Variants in PNPT1 observed in about 807,000 individuals in gnomAD.
PNPT1 encodes polyribonucleotide nucleotidyltransferase 1, mitochondrial.
PNPT1 carries 53 observed loss-of-function variants against 119.5 expected under a neutral mutation model. The observed-to-expected ratio is 0.44, with a 90% CI of 0.36 to 0.56. The LOEUF (loss-of-function observed/expected upper bound fraction) is 0.56, where lower values mean the gene tolerates loss of function less well. Ranked by LOEUF, PNPT1 falls within the 20% of genes least tolerant of loss-of-function variation. The pLI, the probability that PNPT1 is intolerant of heterozygous loss-of-function variation, is 0.00. For missense variants in PNPT1, 948 were observed against 938.5 expected (o/e 1.01, Z -0.13); for synonymous variants, 357 against 322.1 (o/e 1.11, Z -1.16).
At chr2:55,667,993 T>C in intron 11 of PNPT1, 35 bp from the exon 12 acceptor site, 1 of 1,540,942 alleles carries the variant, frequency 6.5e-7, no homozygotes, top group South Asian at 1.2e-5. Flanking sequence ...CAAAGATTTT[T>C]ACTTTTTTAG....
In PNPT1 at chr2:55,679,639, G is replaced by GT. The variant is rs763511756; in HGVS notation, c.679+42dup. 24 of 1,364,796 alleles carry GT rather than the reference G, an allele frequency of 1.8e-5. No homozygotes were observed. In the African/African-American group the frequency reaches 3.5e-4, roughly 20 times the overall value. The allele number at this position is 1,364,796 out of a possible 1,614,324, so 84.5% of individuals were successfully genotyped here. On this transcript the variant is annotated intron_variant, in intron 8 of 27. Coordinates refer to ENST00000447944, the MANE Select transcript of PNPT1 (RefSeq NM_033109.5). ...AATTCAGTTTAAGAAGCCAGAACTTGTAAGTAAAATCCAGAACAAATGTGG... is the reference window on the plus strand; with the variant it reads ...AATTCAGTTTAAGAAGCCAGAACTTGTTAAGTAAAATCCAGAACAAATGTGG...
chr2:55,649,743 G>A (rs917545133), intron 18 of PNPT1, among the ~76,000 whole-genome samples: 1 of 152,178 alleles, frequency 6.6e-6, no homozygotes, highest in Non-Finnish European at 1.5e-5. Context: ...TACATATTCT[G>A]TGGTCAAATA....
At chr2:55,639,271 CTT>C (rs1203106704) in intron 26 of PNPT1, among the ~76,000 whole-genome samples, 1 of 152,068 alleles carries the variant, frequency 6.6e-6, no homozygotes, top group African/African-American at 2.4e-5. Flanking sequence ...ACATTAAAAA[CTT>C]TTCAAAATAA....
At chr2:55,668,771 T>C (rs553639676) in intron 11 of PNPT1, among the ~76,000 whole-genome samples, 2 of 152,238 alleles carry the variant, frequency 1.3e-5, no homozygotes, top group African/African-American at 4.8e-5. Flanking sequence ...GGCTAATTTG[T>C]GTATCTTTAG....
In PNPT1 at chr2:55,647,384, C is replaced by A. The variant is rs755262977; in HGVS notation, c.1565G>T (p.Gly522Val). 18 of 1,609,808 alleles carry A rather than the reference C, an allele frequency of 1.1e-5. No homozygotes were observed. ...GLVTKTDPEK[G>V]EIEDYRLLTD... Reference sequence around the variant, plus strand: ...CAGCAAACGATAATCTTCTATTTCACCCTTCTCAGGATCGGTTTTGGTGAC... The same window carrying A: ...CAGCAAACGATAATCTTCTATTTCAACCTTCTCAGGATCGGTTTTGGTGAC... The change falls in exon 19 of 28, where the codon GGT becomes GTT. Residue 522 changes from glycine to valine, a missense_variant. Gly to Val is a moderately radical substitution (Grantham distance 109, BLOSUM62 -3). Transcript: ENST00000447944.
At chr2:55,652,491 T>C (rs569242158) in intron 18 of PNPT1, among the ~76,000 whole-genome samples, 1 of 152,312 alleles carries the variant, frequency 6.6e-6, no homozygotes, top group South Asian at 2.1e-4. Flanking sequence ...ATTGGCAGTA[T>C]TTTTACTGGC....
chr2:55,650,705 T>C, intron 18 of PNPT1, among the ~76,000 whole-genome samples: 1 of 149,984 alleles, frequency 6.7e-6, no homozygotes, highest in Non-Finnish European at 1.5e-5. Flanking sequence ...GAGGAGCGTC[T>C]CTGCCCGGCC....
At position 55,687,673 on chromosome 2, in the gene PNPT1, C is replaced by G. The variant is rs1381025165; in HGVS notation, c.194G>C (p.Arg65Thr). The change falls in exon 2 of 28, where the codon AGA (arginine) becomes ACA (threonine). Residue 65 changes from arginine (R) to threonine (T), a missense_variant. Transcript: ENST00000447944. Reference sequence around the variant, plus strand: ...TACTACAGCAGAGCCATCTGCAAATCTGGCCAGCTTTCCAGAAGATATTTC... The same window carrying G: ...TACTACAGCAGAGCCATCTGCAAATGTGGCCAGCTTTCCAGAAGATATTTC... The part of the protein sequence containing the change: ...KLEISSGKLA[R>T]FADGSAVVQS... 3.1e-6 allele frequency: 5 copies of G among 1,600,242 alleles called. No homozygotes were observed. The African/African-American group carries it at 6.7e-5, about 22-fold the overall frequency.
At chr2:55,668,240 C>G (rs917937339) in intron 11 of PNPT1, among the ~76,000 whole-genome samples, 1 of 152,028 alleles carries the variant, frequency 6.6e-6, no homozygotes, top group Non-Finnish European at 1.5e-5. Context: ...CCTTTTCTTT[C>G]TTTCTTTTCT....
intron 1 of PNPT1, among the ~76,000 whole-genome samples, chr2:55,690,362 G>C (rs1572840098): frequency 6.6e-6 from 1 of 151,712 alleles, no homozygotes; most frequent in Middle Eastern, 3.4e-3. Flanking sequence ...GAAAGAGAAA[G>C]ATGTTGTGTC....
chr2:55,670,248 G>A (rs1442201820), intron 11 of PNPT1, among the ~76,000 whole-genome samples: 7 of 151,652 alleles, frequency 4.6e-5, no homozygotes, highest in East Asian at 1.9e-4. Context: ...GTGCAGTGGC[G>A]CGATCTCGAC....
In PNPT1 at chr2:55,660,168, G is replaced by A; in HGVS notation, c.1273C>T (p.Leu425=). The change falls in exon 15 of 28, where the codon CTG becomes TTG. Residue 425 remains leucine (L), a synonymous_variant. Transcript: ENST00000447944. The part of the protein sequence containing the change: ...INGIKDKNFM[L]HYEFPPYATN... ...AAAATTCACCTTACCTCGTAGTGCAGCATGAAATTTTTATCTTTTATCCCA... is the reference window on the plus strand; with the variant it reads ...AAAATTCACCTTACCTCGTAGTGCAACATGAAATTTTTATCTTTTATCCCA... 1 of 1,590,498 alleles carries A rather than the reference G, an allele frequency of 6.3e-7. No homozygotes were observed. The highest frequency in any genetic ancestry group is 8.6e-7 in the Non-Finnish European group (1 of 1,169,066).
At chr2:55,660,110 A>T (rs1236270567) in intron 15 of PNPT1, 47 bp downstream of exon 15, 5 of 1,507,186 alleles carry the variant, frequency 3.3e-6, no homozygotes, top group Non-Finnish European at 1.8e-6. Flanking sequence ...TCTCACAAAA[A>T]TTTATTAATT....
At chr2:55,687,726 A>T in intron 1 of PNPT1, 21 bp from the exon 2 acceptor site, 5 of 1,563,222 alleles carry the variant, frequency 3.2e-6, no homozygotes, top group Non-Finnish European at 4.4e-6. Flanking sequence ...ATAAAAATGC[A>T]ATACAAGAAG....
intron 13 of PNPT1, among the ~76,000 whole-genome samples, chr2:55,662,950 G>A (rs1274418289): frequency 4.7e-5 from 7 of 150,472 alleles, no homozygotes; most frequent in Admixed American, 6.6e-5. Context: ...GCACGATCTC[G>A]GCTCACTGCA....
At chr2:55,671,904 T>C (rs1696927655) in intron 10 of PNPT1, 91 bp downstream of exon 10, 3 of 848,834 alleles carry the variant, frequency 3.5e-6, no homozygotes, top group East Asian at 2.7e-5. Context: ...TTAATAAAAA[T>C]AGGACTAGCA....
intron 18 of PNPT1, among the ~76,000 whole-genome samples, chr2:55,648,011 T>G (rs1264720342): frequency 6.6e-6 from 1 of 152,186 alleles, no homozygotes. Context: ...TTTATAACTT[T>G]TAAATTATCC....
chr2:55,652,535 GAGAC>G (rs1390208688), intron 18 of PNPT1, among the ~76,000 whole-genome samples: 3 of 152,178 alleles, frequency 2.0e-5, no homozygotes, highest in Non-Finnish European at 4.4e-5. Context: ...AACATTGAAA[GAGAC>G]AGGGCTGAAA....
chr2:55,669,008 C>G (rs890691501), intron 11 of PNPT1, among the ~76,000 whole-genome samples: 3 of 152,152 alleles, frequency 2.0e-5, no homozygotes, highest in Admixed American at 2.0e-4. Context: ...AAACTGTTTT[C>G]TATCTAATAT....
Sources: gnomAD v4.1 joint callset for allele counts (sites outside exome capture counted in the v4.1 genomes callset) on GRCh38, gnomAD v4.1.1 for gene constraint, MANE v1.5 for transcripts, NCBI Gene and HGNC (gene_info 2026-07-23, HGNC 2026-07-21) for gene names.